The following LRRK2 variants were observed in gnomAD, a reference collection of about 807,000 sequenced individuals.
LRRK2 encodes the protein leucine-rich repeat serine/threonine-protein kinase 2.
A neutral mutation model predicts 302.6 loss-of-function variants in LRRK2; 203 were observed. That is an observed-to-expected ratio of 0.67 (90% CI 0.60 to 0.75). The LOEUF is 0.75. LRRK2 is among the 30% of genes least tolerant of loss of function. The pLI is 0.00. For synonymous variants in LRRK2, 1,066 were observed against 1,031.9 expected (o/e 1.03, Z -0.63); for missense variants, 2,830 against 2,951.0 (o/e 0.96, Z 0.95).
At position 40,364,975 on chromosome 12, in the gene LRRK2, C is replaced by A. The variant is rs72547983; in HGVS notation, c.7315C>A (p.Leu2439Ile). 48 of 1,612,576 alleles carry A rather than the reference C, an allele frequency of 3.0e-5. No individual in the cohort carries two copies. In the Middle Eastern group the frequency reaches 6.6e-4, roughly 22 times the overall value. Residue 2439 changes from leucine to isoleucine, a missense_variant, in exon 49 of 51, where the codon CTT becomes ATT. This residue lies in a region of LRRK2 where 456 missense variants were observed against 456.3 expected (regional missense o/e 1.00). Coordinates refer to ENST00000298910, the MANE Select transcript of LRRK2 (RefSeq NM_198578.4). ...TGGGHILLLD[L>I]STRRLIRVIY... ...AGGAGGCCATATTTTACTCCTGGATCTTTCAACTCGTCGACTTATACGTGT... is the reference window on the plus strand; with the variant it reads ...AGGAGGCCATATTTTACTCCTGGATATTTCAACTCGTCGACTTATACGTGT...
At chr12:40,277,436 C>A (rs1004828859) in intron 16 of LRRK2, among the ~76,000 whole-genome samples, 1 of 152,046 alleles carries the variant, frequency 6.6e-6, no homozygotes, top group Non-Finnish European at 1.5e-5. Context: ...CGGAAGACAG[C>A]GCAAAAAGCT....
intron 6 of LRRK2, among the ~76,000 whole-genome samples, chr12:40,241,215 T>C (rs1941707911): frequency 6.6e-6 from 1 of 152,312 alleles, no homozygotes; most frequent in South Asian, 2.1e-4. Context: ...TTGTGTTTCA[T>C]TGACAGAGGC....
chr12:40,277,905 A>T lies in LRRK2; in HGVS notation c.1959A>T (p.Leu653Phe). The T allele has an allele frequency of 6.2e-7, 1 of 1,609,834 alleles. No individual in the cohort carries two copies. ...ACTTTTAGGGATTTCAGACAATCTT[A>T]GCAATCCTCAAATTGTCAGCATCTT... is the stretch of plus-strand genomic sequence containing the variant. ...EIQTKGFQTI[L>F]AILKLSASFS... Residue 653 changes from leucine (L) to phenylalanine (F), a missense_variant, in exon 17 of 51, where the codon TTA (leucine) becomes TTT (phenylalanine). Leu to Phe is a conservative substitution (Grantham distance 22, BLOSUM62 0). This residue lies in a region of LRRK2 where 2,121 missense variants were observed against 2,148.0 expected (regional missense o/e 0.99). Transcript: ENST00000298910.
chr12:40,305,749 C>G lies in LRRK2; in HGVS notation c.3778-36C>G, dbSNP rs763928571. On this transcript the variant is annotated intron_variant, in intron 27 of 50. Coordinates refer to ENST00000298910, the MANE Select transcript of LRRK2 (RefSeq NM_198578.4). ...TTTGGCAGAGCACATTTCTTCCTTC[C>G]CACCAACAGGTTTTGCCCTTTTTTT... is the stretch of plus-strand genomic sequence containing the variant. The G allele has an allele frequency of 2.5e-6, 4 of 1,599,062 alleles. No homozygotes were observed. In the Admixed American group the frequency reaches 6.7e-5, roughly 27 times the overall value.
chr12:40,329,905 C>T (rs950341199), intron 39 of LRRK2, among the ~76,000 whole-genome samples: 57 of 152,212 alleles, frequency 3.7e-4, no homozygotes, highest in African/African-American at 1.4e-3. Context: ...TTTTAAAAAA[C>T]GTACTTCAGG....
chr12:40,341,816 A>AT (rs1335598201), intron 41 of LRRK2, among the ~76,000 whole-genome samples: 1 of 152,214 alleles, frequency 6.6e-6, no homozygotes, highest in Admixed American at 6.5e-5. Context: ...CCTAAACCAT[A>AT]TGCAACTCTA....
chr12:40,335,210 T>G, intron 40 of LRRK2, 53 bp downstream of exon 40: 1 of 1,591,440 alleles, frequency 6.3e-7, no homozygotes, highest in East Asian at 2.2e-5. Context: ...TGATCCAGAC[T>G]TGCTCTCAGG....
intron 12 of LRRK2, among the ~76,000 whole-genome samples, chr12:40,259,275 G>A (rs963924624): frequency 3.3e-5 from 5 of 152,006 alleles, no homozygotes; most frequent in Non-Finnish European, 5.9e-5. Flanking sequence ...AATAATTCCC[G>A]GATTACTATG....
intron 31 of LRRK2, among the ~76,000 whole-genome samples, chr12:40,313,252 C>T (rs1036122129): frequency 5.3e-5 from 8 of 151,794 alleles, no homozygotes; most frequent in Admixed American, 4.6e-4. Context: ...TTTTAAAAAA[C>T]GTTTGGAAGA....
At chr12:40,300,915 G>C (rs771626995) in intron 25 of LRRK2, 53 of 470,996 alleles carry the variant, frequency 1.1e-4, no homozygotes, top group African/African-American at 9.6e-4. Context: ...GGAAAGAGGA[G>C]CATCCAAAAG....
intron 48 of LRRK2, among the ~76,000 whole-genome samples, chr12:40,364,338 G>A (rs1425724986): frequency 6.6e-6 from 1 of 151,890 alleles, no homozygotes; most frequent in African/African-American, 2.4e-5. Flanking sequence ...ACTTCCTGAA[G>A]TACCAAAACG....
At chr12:40,348,380 T>C (rs1212888785) in intron 42 of LRRK2, 29 bp from the exon 43 acceptor site, 7 of 1,448,020 alleles carry the variant, frequency 4.8e-6, no homozygotes, top group Non-Finnish European at 1.9e-6. Flanking sequence ...TTATTTAGTA[T>C]GCTAGCATGA....
chr12:40,363,014 G>A lies in LRRK2; in HGVS notation c.7029-388G>A, dbSNP rs72547982. On this transcript the variant is annotated intron_variant, in intron 47 of 50. Coordinates refer to ENST00000298910, the MANE Select transcript of LRRK2 (RefSeq NM_198578.4). ...ATAAAAGGCTAACACTTAATTTTCT[G>A]AGCATTCATGAAACAAAGTTTTGCA... is the stretch of plus-strand genomic sequence containing the variant. Among the ~76,000 whole-genome samples, 38 of 152,036 alleles carry A rather than the reference G, an allele frequency of 2.5e-4. 1 individual carries two copies. In the South Asian group the frequency reaches 6.4e-3, roughly 26 times the overall value.
rs1944247730 is a variant in LRRK2, at chr12:40,293,589, A to G, written c.2734A>G (p.Ser912Gly). The G allele has an allele frequency of 6.2e-7, 1 of 1,611,316 alleles. No individual in the cohort carries two copies. Among genetic ancestry groups the G allele is most frequent in the Admixed American group, 1.7e-5 (1 of 59,770 alleles). ...TGTGAAAAAGAAATCTAATTCAATT[A>G]GTGTAGGAGAATTTTACCGAGATGC... ...FLVKKKSNSI[S>G]VGEFYRDAVL... Residue 912 changes from serine (S) to glycine (G), a missense_variant, in exon 21 of 51, where the codon AGT becomes GGT. Transcript: ENST00000298910.
At chr12:40,331,068 T>A (rs1028612979) in intron 39 of LRRK2, among the ~76,000 whole-genome samples, 4 of 152,204 alleles carry the variant, frequency 2.6e-5, no homozygotes, top group Admixed American at 2.6e-4. Flanking sequence ...TTATTGCTTT[T>A]TTCTCTGAGG....
Position 40,322,315 on chromosome 12 carries a change from G to A in LRRK2, c.5318-4G>A, listed in dbSNP as rs371793739. 3.2e-5 allele frequency: 51 copies of A among 1,613,244 alleles called. No homozygotes were observed. Among genetic ancestry groups the A allele is most frequent in the Non-Finnish European group, 4.3e-5 (51 of 1,179,524 alleles). ...GGTGTTGAGCTCTGTTTTGAATCATGTAGGCTGTATTCTTTTGGGCCAAGT... is the reference window on the plus strand; with the variant it reads ...GGTGTTGAGCTCTGTTTTGAATCATATAGGCTGTATTCTTTTGGGCCAAGT... On this transcript the variant is annotated splice_region_variant and splice_polypyrimidine_tract_variant and intron_variant, in intron 36 of 50. Transcript: ENST00000298910.
At chr12:40,232,162 T>C in intron 2 of LRRK2, 112 bp from the exon 3 acceptor site, 1 of 806,860 alleles carries the variant, frequency 1.2e-6, no homozygotes, top group Non-Finnish European at 2.2e-6. Flanking sequence ...AACCATTGTT[T>C]ACAAGTGAGA....
intron 7 of LRRK2, among the ~76,000 whole-genome samples, chr12:40,249,429 A>T (rs997763779): frequency 5.3e-5 from 8 of 152,092 alleles, no homozygotes; most frequent in Non-Finnish European, 1.2e-4. Flanking sequence ...TTTCAGTAAA[A>T]TGATTTAATA....
At chr12:40,313,635 G>A (rs1945107128) in intron 31 of LRRK2, among the ~76,000 whole-genome samples, 1 of 151,666 alleles carries the variant, frequency 6.6e-6, no homozygotes, top group South Asian at 2.1e-4. Flanking sequence ...TTCACATTAA[G>A]TTTAATGTCT....
Sources: gnomAD v4.1 joint callset for allele counts (sites outside exome capture counted in the v4.1 genomes callset) on GRCh38, gnomAD v4.1.1 for gene constraint, gnomAD v4.1.1 regional missense constraint, MANE v1.5 for transcripts, NCBI Gene and HGNC (gene_info 2026-07-23, HGNC 2026-07-21) for gene names.